Variants in FOXN3 observed in about 807,000 individuals in gnomAD.
FOXN3 encodes forkhead box protein N3.
Under a neutral mutation model 38.4 loss-of-function variants are expected in FOXN3, and 7 were observed. The observed-to-expected ratio is 0.18, with a 90% CI of 0.10 to 0.34. The LOEUF is 0.34. FOXN3 is among the 10% of genes least tolerant of loss of function. The probability of loss-of-function intolerance (pLI) is 1.00; values close to 1 mark genes in which losing one functional copy is unlikely to be tolerated. For synonymous variants in FOXN3, 230 were observed against 242.2 expected (o/e 0.95, Z 0.47); for missense variants, 456 against 613.4 (o/e 0.74, Z 2.71).
rs747219009 is a variant in FOXN3 at position 89,162,804 on chromosome 14, TGAG to T, written c.1014_1016del (p.Ser339del). On this transcript the variant is annotated inframe_deletion, in exon 6 of 6. Transcript: ENST00000557258. This position sits in a 1 kb window ranked among gnomAD's most constrained non-coding sequence, Gnocchi z 7.2. Reference sequence around the variant, plus strand: ...TGGCAAACTCATAGTGGTCGTCGGCTGAGGAGGAGGAGGAGGAGATGGAGTCGC... The same window carrying T: ...TGGCAAACTCATAGTGGTCGTCGGCTGAGGAGGAGGAGGAGATGGAGTCGC... 2.6e-4 allele frequency: 402 copies of T among 1,564,284 alleles called. No individual in the cohort carries two copies. Among genetic ancestry groups the T allele is most frequent in the South Asian group, 6.0e-4 (50 of 83,474 alleles).
chr14:89,242,850 C>T (rs1051254594), intron 4 of FOXN3, among the ~76,000 whole-genome samples: 16 of 152,126 alleles, frequency 1.1e-4, no homozygotes, highest in African/African-American at 3.9e-4. Context: ...GAATACACAC[C>T]CCAAACCAAA....
intron 1 of FOXN3, among the ~76,000 whole-genome samples, chr14:89,616,189 A>G (rs1374084377): frequency 6.6e-6 from 1 of 152,144 alleles, no homozygotes; most frequent in Non-Finnish European, 1.5e-5. Context: ...TTTGCTTAGC[A>G]AAATGAACGG....
At chr14:89,617,791 T>C (rs547406420) in intron 1 of FOXN3, among the ~76,000 whole-genome samples, 1 of 152,260 alleles carries the variant, frequency 6.6e-6, no homozygotes, top group East Asian at 1.9e-4. Context: ...TGCACCCAAA[T>C]GAAAAACCGA....
intron 1 of FOXN3, among the ~76,000 whole-genome samples, chr14:89,560,474 A>C (rs1333308160): frequency 6.6e-6 from 1 of 152,208 alleles, no homozygotes; most frequent in Non-Finnish European, 1.5e-5. Context: ...AGTTACCTAC[A>C]GAACTCAGTG....
Position 89,162,229 on chromosome 14 carries a change from TAAGGGTCCAAAACAAAGAA to T in FOXN3, c.*166_*184del, listed in dbSNP as rs893749602. 2.5e-5 allele frequency: 12 copies of T among 489,634 alleles called. No homozygotes were observed. Among genetic ancestry groups the T allele is most frequent in the Non-Finnish European group, 3.9e-5 (11 of 284,386 alleles). The allele number at this position is 489,634 out of a possible 1,614,324, so 30.3% of individuals were successfully genotyped here. A position where few individuals can be genotyped will look rare whatever the true frequency, so the allele number is the denominator to read the frequency against. The stretch of plus-strand genomic sequence containing the variant: ...CAATCTCCTTTAAAAATAAAATTCT[TAAGGGTCCAAAACAAAGAA>T]GAGGGGGCAAATTAAAACAAAATAA... On this transcript the variant is annotated 3_prime_UTR_variant, in exon 6 of 6. Transcript: ENST00000557258. The surrounding 1 kb of genome is among the most constrained non-coding windows in gnomAD (Gnocchi z 7.2).
intron 1 of FOXN3, among the ~76,000 whole-genome samples, chr14:89,605,418 A>G (rs1896251896): frequency 6.6e-6 from 1 of 152,148 alleles, no homozygotes; most frequent in Non-Finnish European, 1.5e-5. Context: ...AAACTTCCAA[A>G]CTACTATAGA....
At chr14:89,536,719 A>C (rs1894694926) in intron 1 of FOXN3, among the ~76,000 whole-genome samples, 1 of 152,180 alleles carries the variant, frequency 6.6e-6, no homozygotes. Flanking sequence ...CGGAGGTTGC[A>C]GTGAGCCGAG....
chr14:89,176,198 T>C (rs1449368993), intron 5 of FOXN3, among the ~76,000 whole-genome samples: 2 of 152,210 alleles, frequency 1.3e-5, no homozygotes, highest in Non-Finnish European at 2.9e-5. Flanking sequence ...AATTACACTA[T>C]TGACAGATAC....
intron 2 of FOXN3, among the ~76,000 whole-genome samples, chr14:89,373,638 GTC>G (rs1890388618): frequency 6.6e-6 from 1 of 152,174 alleles, no homozygotes; most frequent in Non-Finnish European, 1.5e-5. Context: ...GTTAGGGGCT[GTC>G]TCTGTGTTTG....
At chr14:89,297,559 C>CAAAAAAAAA (rs919496715) in intron 3 of FOXN3, among the ~76,000 whole-genome samples, 136 of 103,460 alleles carry the variant, frequency 1.3e-3, no homozygotes, top group Middle Eastern at 5.9e-3. Flanking sequence ...GACTCCCTTT[C>CAAAAAAAAA]AAAAAAAAAA....
intron 3 of FOXN3, among the ~76,000 whole-genome samples, chr14:89,322,936 C>T (rs912095263): frequency 1.3e-5 from 2 of 152,224 alleles, no homozygotes; most frequent in Admixed American, 6.5e-5. Context: ...AAAACAAATA[C>T]ATAATGTGCA....
intron 1 of FOXN3, among the ~76,000 whole-genome samples, chr14:89,614,892 C>T (rs1035386768): frequency 3.9e-5 from 6 of 152,214 alleles, no homozygotes; most frequent in African/African-American, 9.7e-5. Context: ...CACCAGGCTG[C>T]TCTCTGCAAA....
chr14:89,259,717 G>A (rs940987023), intron 4 of FOXN3, among the ~76,000 whole-genome samples: 5 of 152,268 alleles, frequency 3.3e-5, no homozygotes, highest in African/African-American at 1.2e-4. Context: ...TAAAGCAGAT[G>A]GTAGTGAGCA....
chr14:89,339,162 C>T (rs1037142240), intron 3 of FOXN3, among the ~76,000 whole-genome samples: 3 of 152,202 alleles, frequency 2.0e-5, no homozygotes, highest in South Asian at 4.2e-4. Flanking sequence ...TTAGGAGAGA[C>T]GAGGTTTTGC....
At position 89,353,891 on chromosome 14, in the gene FOXN3, G is replaced by A. The variant is rs1005730697; in HGVS notation, c.544-3083C>T. On this transcript the variant is annotated intron_variant, in intron 2 of 5. Transcript: ENST00000557258. ...ATTACAGGCGTGCATCACCATGCCT[G>A]GCTAACTTTTTTTTTTTAAGGAAAG... is the stretch of plus-strand genomic sequence containing the variant. The A allele has an allele frequency of 1.9e-4, 23 of 122,140 alleles. 1 individual carries two copies. The highest frequency in any genetic ancestry group is 5.9e-4 in the African/African-American group (23 of 38,996). 7.6% of individuals were successfully genotyped at this position (122,140 alleles called of 1,614,324 possible). A position where few individuals can be genotyped will look rare whatever the true frequency, so the allele number is the denominator to read the frequency against.
chr14:89,192,817 G>C (rs1887995070), intron 4 of FOXN3, among the ~76,000 whole-genome samples: 1 of 146,652 alleles, frequency 6.8e-6, no homozygotes, highest in East Asian at 2.0e-4. Flanking sequence ...ATAAGATATA[G>C]AAAAATATAT....
At chr14:89,197,983 T>C (rs1398205436) in intron 4 of FOXN3, among the ~76,000 whole-genome samples, 1 of 152,216 alleles carries the variant, frequency 6.6e-6, no homozygotes, top group Non-Finnish European at 1.5e-5. Flanking sequence ...ATGACACAAC[T>C]GGGGCATTAA....
intron 3 of FOXN3, among the ~76,000 whole-genome samples, chr14:89,323,944 T>A (rs1005690926): frequency 1.3e-5 from 2 of 152,138 alleles, no homozygotes; most frequent in Non-Finnish European, 2.9e-5. Context: ...TAGAGACTCA[T>A]TAGAGGCAGG....
Position 89,360,747 on chromosome 14 carries a change from T to A in FOXN3, c.544-9939A>T, listed in dbSNP as rs749262627. ...CACCACCACCACCTCCAGCACCACC[T>A]CCACCACCACCTCCACCACTACCAC... On this transcript the variant is annotated intron_variant, in intron 2 of 5. Transcript: ENST00000557258. 2.9e-3 allele frequency among the ~76,000 whole-genome samples: 195 copies of A among 67,382 alleles called. 4 individuals carry two copies. The highest frequency in any genetic ancestry group is 5.9e-3 in the Admixed American group (42 of 7,172). The allele number at this position is 67,382 out of a possible 152,430, so 44.2% of individuals were successfully genotyped here.
Sources: gnomAD v4.1 joint callset for allele counts (sites outside exome capture counted in the v4.1 genomes callset) on GRCh38, gnomAD v4.1.1 for gene constraint, Gnocchi (gnomAD v3.1) non-coding constraint, MANE v1.5 for transcripts, NCBI Gene and HGNC (gene_info 2026-07-23, HGNC 2026-07-21) for gene names.